MACROD2: variants seen among roughly 807,000 people sequenced by gnomAD.
MACROD2 encodes the protein mono-ADP ribosylhydrolase 2.
A neutral mutation model predicts 70.4 loss-of-function variants in MACROD2; 36 were observed. That is an observed-to-expected ratio of 0.51 (90% CI 0.39 to 0.68). The LOEUF (loss-of-function observed/expected upper bound fraction) is 0.68, where lower values mean the gene tolerates loss of function less well. Among genes scored for constraint, MACROD2 ranks in the 30% least tolerant of loss-of-function variants. The probability of loss-of-function intolerance (pLI) is 0.00; values close to 1 mark genes in which losing one functional copy is unlikely to be tolerated. For synonymous variants in MACROD2, 172 were observed against 178.8 expected (o/e 0.96, Z 0.30); for missense variants, 496 against 538.4 (o/e 0.92, Z 0.78).
intron 6 of MACROD2, among the ~76,000 whole-genome samples, chr20:15,292,796 G>A (rs764658450): frequency 6.6e-6 from 1 of 151,988 alleles, no homozygotes; most frequent in Non-Finnish European, 1.5e-5. Context: ...TATAATGACT[G>A]TTTTTTCTTG....
chr20:14,569,322 C>T (rs1171300948), intron 4 of MACROD2, among the ~76,000 whole-genome samples: 1 of 151,856 alleles, frequency 6.6e-6, no homozygotes, highest in Non-Finnish European at 1.5e-5. Context: ...TATTTCTTCT[C>T]TTAAAAAAAA....
chr20:14,581,924 T>C (rs1981047943), intron 4 of MACROD2, among the ~76,000 whole-genome samples: 1 of 152,180 alleles, frequency 6.6e-6, no homozygotes, highest in Admixed American at 6.5e-5. Context: ...TGCTCTTCTT[T>C]CTATGTCTCA....
At chr20:15,019,465 C>T (rs1183845779) in intron 5 of MACROD2, among the ~76,000 whole-genome samples, 2 of 152,094 alleles carry the variant, frequency 1.3e-5, no homozygotes, top group Non-Finnish European at 2.9e-5. Flanking sequence ...ACATGAGAAG[C>T]AGAGAGATGG....
intron 5 of MACROD2, among the ~76,000 whole-genome samples, chr20:14,695,411 T>A (rs2071112127): frequency 6.6e-6 from 1 of 152,212 alleles, no homozygotes; most frequent in African/African-American, 2.4e-5. Context: ...CATCTCAAGG[T>A]CTCAAGATCC....
At chr20:14,855,603 T>TG (rs1435702999) in intron 5 of MACROD2, among the ~76,000 whole-genome samples, 1 of 59,792 alleles carries the variant, frequency 1.7e-5, no homozygotes, top group East Asian at 2.8e-4. Flanking sequence ...CCAAGTTTTT[T>TG]TTTTTTTTTT....
rs548132514 is a variant in MACROD2, at chr20:14,305,017, C to T, written c.272-188462C>T. ...GGGACTTTAAAACAGCTCTGATGCT[C>T]GGCCCCACTCCAGACCAATTAACTC... On this transcript the variant is annotated intron_variant, in intron 3 of 17. Coordinates refer to ENST00000684519, the MANE Select transcript of MACROD2 (RefSeq NM_001351661.2). Among the ~76,000 whole-genome samples, 3 of 152,086 alleles carry T rather than the reference C, an allele frequency of 2.0e-5. No homozygotes were observed. In the South Asian group the frequency reaches 6.2e-4, roughly 32 times the overall value.
chr20:15,000,025 A>G (rs1262227931), intron 5 of MACROD2, among the ~76,000 whole-genome samples: 1 of 152,210 alleles, frequency 6.6e-6, no homozygotes, highest in Non-Finnish European at 1.5e-5. Flanking sequence ...AGGGATGCAT[A>G]CTAAATTCAT....
intron 4 of MACROD2, among the ~76,000 whole-genome samples, chr20:14,512,204 T>A (rs950705185): frequency 1.1e-4 from 16 of 152,190 alleles, no homozygotes; most frequent in African/African-American, 3.9e-4. Context: ...TAAAGAAAAA[T>A]TAAACATAAG....
At chr20:14,652,131 A>T (rs983540976) in intron 4 of MACROD2, among the ~76,000 whole-genome samples, 3 of 152,126 alleles carry the variant, frequency 2.0e-5, no homozygotes, top group African/African-American at 7.2e-5. Context: ...CTCACATTGT[A>T]TATCCTTATC....
chr20:15,399,871 A>T (rs2045907136), intron 6 of MACROD2, among the ~76,000 whole-genome samples: 1 of 152,192 alleles, frequency 6.6e-6, no homozygotes, highest in African/African-American at 2.4e-5. Flanking sequence ...AGAAAATCTG[A>T]GTTGGAGCTT....
chr20:15,073,487 ACAC>A lies in MACROD2; in HGVS notation c.419-156452_419-156450del, dbSNP rs1318559816. ...TCCCAACACACACACACACACACAC[ACAC>A]ACACACACACACACACACACGTACC... On this transcript the variant is annotated intron_variant, in intron 5 of 17. Transcript: ENST00000684519. 5.5e-4 allele frequency among the ~76,000 whole-genome samples: 83 copies of A among 151,476 alleles called. 1 individual carries two copies. The highest frequency in any genetic ancestry group is 1.6e-3 in the African/African-American group (65 of 41,358).
chr20:16,017,699 T>C (rs2066947802), intron 15 of MACROD2, among the ~76,000 whole-genome samples: 1 of 152,232 alleles, frequency 6.6e-6, no homozygotes, highest in Middle Eastern at 3.2e-3. Flanking sequence ...CATCTTCACA[T>C]AGTTGACTCC....
chr20:15,971,941 G>A (rs182056676), intron 13 of MACROD2, among the ~76,000 whole-genome samples: 114 of 152,164 alleles, frequency 7.5e-4, no homozygotes, highest in Non-Finnish European at 1.3e-4. Context: ...ATATGAAAGG[G>A]CATGTTAAAA....
At chr20:15,744,802 G>C (rs1422404370) in intron 8 of MACROD2, among the ~76,000 whole-genome samples, 1 of 151,646 alleles carries the variant, frequency 6.6e-6, no homozygotes, top group Non-Finnish European at 1.5e-5. Context: ...TGAATCCTTG[G>C]TTTGTGTCTC....
At chr20:15,873,028 C>T (rs1417285018) in intron 9 of MACROD2, among the ~76,000 whole-genome samples, 2 of 152,152 alleles carry the variant, frequency 1.3e-5, no homozygotes, top group African/African-American at 4.8e-5. Flanking sequence ...AATTATTTCT[C>T]TATTTGCTTA....
chr20:14,176,105 T>G (rs1317506881), intron 3 of MACROD2, among the ~76,000 whole-genome samples: 2 of 152,214 alleles, frequency 1.3e-5, no homozygotes, highest in African/African-American at 4.8e-5. Context: ...GACTTCCCAA[T>G]GCCATTACCT....
intron 4 of MACROD2, among the ~76,000 whole-genome samples, chr20:14,643,725 G>T (rs1341004041): frequency 6.6e-6 from 1 of 152,146 alleles, no homozygotes; most frequent in Non-Finnish European, 1.5e-5. Context: ...CTTGTTACTT[G>T]GCATATGTGG....
chr20:14,103,195 G>A (rs1427794964), intron 3 of MACROD2, among the ~76,000 whole-genome samples: 1 of 152,164 alleles, frequency 6.6e-6, no homozygotes, highest in Non-Finnish European at 1.5e-5. Flanking sequence ...CAGGGAGATG[G>A]ATGGTTGCCA....
intron 4 of MACROD2, among the ~76,000 whole-genome samples, chr20:14,606,054 G>A (rs1330421303): frequency 6.6e-6 from 1 of 152,026 alleles, no homozygotes; most frequent in African/African-American, 2.4e-5. Flanking sequence ...TATGTGTAAA[G>A]AATTTTAAAG....
Sources: gnomAD v4.1 joint callset for allele counts (sites outside exome capture counted in the v4.1 genomes callset) on GRCh38, gnomAD v4.1.1 for gene constraint, MANE v1.5 for transcripts, NCBI Gene and HGNC (gene_info 2026-07-23, HGNC 2026-07-21) for gene names.